Variants in FAM227B observed in about 807,000 individuals in gnomAD.
FAM227B encodes family with sequence similarity 227 member B.
A neutral mutation model predicts 73.8 loss-of-function variants in FAM227B; 88 were observed. The observed-to-expected ratio is 1.19, with a 90% CI of 1.00 to 1.42. The LOEUF is 1.42. Among genes scored for constraint, FAM227B ranks in the 40% most tolerant of loss-of-function variants. The pLI, the probability that FAM227B is intolerant of heterozygous loss-of-function variation, is 0.00. For missense variants in FAM227B, 632 were observed against 590.9 expected, an observed-to-expected ratio of 1.07 and a Z score of -0.72; for synonymous variants, 210 against 190.5, an observed-to-expected ratio of 1.10 and a Z score of -0.84.
intron 3 of FAM227B, among the ~76,000 whole-genome samples, chr15:49,604,132 T>A (rs1172065820): frequency 6.6e-6 from 1 of 152,224 alleles, no homozygotes; most frequent in African/African-American, 2.4e-5. Context: ...CAATACACTA[T>A]TACAGTATTC....
At chr15:49,398,099 A>G (rs1283492459) in intron 11 of FAM227B, among the ~76,000 whole-genome samples, 4 of 152,284 alleles carry the variant, frequency 2.6e-5, no homozygotes, top group African/African-American at 9.6e-5. Context: ...TATTCAGGAA[A>G]CCCATCTCAC....
In FAM227B at chr15:49,446,164, A is replaced by G. The variant is rs569315668; in HGVS notation, c.1012+62047T>C. Among the ~76,000 whole-genome samples the G allele has an allele frequency of 9.0e-4, 136 of 151,712 alleles. 5 individuals are homozygous for G. The South Asian group carries it at 0.027, about 30-fold the overall frequency. On this transcript the variant is annotated intron_variant, in intron 11 of 15. Transcript: ENST00000299338. Reference sequence around the variant, plus strand: ...AGGCTGACAACAATTTTCATTGAGGAAGGCTTCACTCACTGATAAATATGG... The same window carrying G: ...AGGCTGACAACAATTTTCATTGAGGGAGGCTTCACTCACTGATAAATATGG...
chr15:49,402,354 AT>A (rs2048226167), intron 11 of FAM227B, among the ~76,000 whole-genome samples: 1 of 152,204 alleles, frequency 6.6e-6, no homozygotes, highest in East Asian at 1.9e-4. Flanking sequence ...CATTGAATCT[AT>A]AAATTACTTT....
rs1170810627 is a variant in FAM227B, at chr15:49,615,199, G to T, written c.-28C>A. 2 of 1,610,622 alleles carry T rather than the reference G, an allele frequency of 1.2e-6. No homozygotes were observed. The highest frequency in any genetic ancestry group is 1.7e-6 in the Non-Finnish European group (2 of 1,176,768). ...TACAGTAACTTTGCAGAAATGAAGA[G>T]AAATCAGCTGGGTCTTAGGCTTCAA... On this transcript the variant is annotated 5_prime_UTR_variant, in exon 2 of 16. Transcript: ENST00000299338.
intron 11 of FAM227B, among the ~76,000 whole-genome samples, chr15:49,456,092 A>G (rs1196291056): frequency 6.6e-6 from 1 of 152,160 alleles, no homozygotes; most frequent in African/African-American, 2.4e-5. Context: ...ACATTCTAAA[A>G]TGTTAAAAGT....
At chr15:49,523,408 C>T (rs2059925588) in intron 10 of FAM227B, among the ~76,000 whole-genome samples, 1 of 152,290 alleles carries the variant, frequency 6.6e-6, no homozygotes, top group East Asian at 1.9e-4. Flanking sequence ...TGCCTGCTGC[C>T]ATCCATGTAA....
intron 11 of FAM227B, among the ~76,000 whole-genome samples, chr15:49,389,188 C>G (rs1334098140): frequency 6.6e-6 from 1 of 151,918 alleles, no homozygotes; most frequent in Non-Finnish European, 1.5e-5. Flanking sequence ...GACACTTGCC[C>G]ATGTATGTTT....
rs1489652240 is a variant in FAM227B, at chr15:49,536,048, G to T, written c.874+5632C>A. Among the ~76,000 whole-genome samples, 3 of 134,284 alleles carry T rather than the reference G, an allele frequency of 2.2e-5. No homozygotes were observed. In the Admixed American group the frequency reaches 2.4e-4, roughly 11 times the overall value. 88.1% of individuals were successfully genotyped at this position (134,284 alleles called of 152,430 possible). The stretch of plus-strand genomic sequence containing the variant: ...TGCATTTCTCTTTAACACAGTGCTG[G>T]AAGTACTAGCAAGGGCAATCAGACA... On this transcript the variant is annotated intron_variant, in intron 10 of 15. Transcript: ENST00000299338.
At chr15:49,433,040 T>G (rs956233396) in intron 11 of FAM227B, among the ~76,000 whole-genome samples, 1 of 151,500 alleles carries the variant, frequency 6.6e-6, no homozygotes, top group Non-Finnish European at 1.5e-5. Flanking sequence ...TTGTTGCTAT[T>G]TCAATTATTT....
chr15:49,499,165 CAAAAAA>C (rs11355557), intron 11 of FAM227B, among the ~76,000 whole-genome samples: 1 of 53,008 alleles, frequency 1.9e-5, no homozygotes, highest in Non-Finnish European at 3.3e-5. Context: ...GACTCCGTCT[CAAAAAA>C]AAAAAAAAAA....
chr15:49,354,980 A>G (rs980629276), intron 13 of FAM227B, among the ~76,000 whole-genome samples: 3 of 151,894 alleles, frequency 2.0e-5, no homozygotes, highest in Non-Finnish European at 2.9e-5. Flanking sequence ...GCAGGGGCAC[A>G]CTGACACCTC....
At chr15:49,536,072 C>CAAAAAAAAAAAA (rs59203003) in intron 10 of FAM227B, among the ~76,000 whole-genome samples, 18 of 114,000 alleles carry the variant, frequency 1.6e-4, no homozygotes, top group African/African-American at 4.3e-4. Flanking sequence ...GGCAATCAGA[C>CAAAAAAAAAAAA]AAAAAAAAAA....
At chr15:49,619,647 A>C (rs1298055800) in intron 1 of FAM227B, among the ~76,000 whole-genome samples, 1 of 152,236 alleles carries the variant, frequency 6.6e-6, no homozygotes, top group Non-Finnish European at 1.5e-5. Context: ...GTAATTTATT[A>C]CATACGATAG....
At chr15:49,504,142 C>T (rs1393710494) in intron 11 of FAM227B, among the ~76,000 whole-genome samples, 10 of 151,892 alleles carry the variant, frequency 6.6e-5, no homozygotes, top group East Asian at 3.9e-4. Context: ...TGGATGAAGA[C>T]GGAAACCATC....
chr15:49,556,240 T>TC (rs2073662405), intron 9 of FAM227B, among the ~76,000 whole-genome samples: 1 of 152,014 alleles, frequency 6.6e-6, no homozygotes, highest in Non-Finnish European at 1.5e-5. Flanking sequence ...TCTTTGGATT[T>TC]TTTTTTCTTT....
In FAM227B at chr15:49,421,612, T is replaced by A. The variant is rs181398574; in HGVS notation, c.1013-50213A>T. On this transcript the variant is annotated intron_variant, in intron 11 of 15. Coordinates refer to ENST00000299338, the MANE Select transcript of FAM227B (RefSeq NM_152647.3). The stretch of plus-strand genomic sequence containing the variant: ...TAGCAAATGTGGACTTCTCACTTAC[T>A]GATTTCTTGGTTTAAAAACTGTAGG... Among the ~76,000 whole-genome samples the A allele has an allele frequency of 9.8e-5, 15 of 152,364 alleles. No individual in the cohort carries two copies. In the East Asian group the frequency reaches 2.7e-3, roughly 27 times the overall value.
At chr15:49,332,238 G>A (rs2038928912) in intron 14 of FAM227B, among the ~76,000 whole-genome samples, 1 of 152,176 alleles carries the variant, frequency 6.6e-6, no homozygotes, top group African/African-American at 2.4e-5. Flanking sequence ...TCTTCAGTTA[G>A]ATGGTTTACA....
At chr15:49,494,342 C>T (rs897603948) in intron 11 of FAM227B, among the ~76,000 whole-genome samples, 7 of 151,242 alleles carry the variant, frequency 4.6e-5, no homozygotes, top group South Asian at 4.2e-4. Flanking sequence ...AACAAAGAAA[C>T]GTATATTGTC....
chr15:49,433,143 A>G (rs2050763497), intron 11 of FAM227B, among the ~76,000 whole-genome samples: 2 of 151,412 alleles, frequency 1.3e-5, no homozygotes, highest in Admixed American at 1.3e-4. Context: ...ATTAATCTCC[A>G]CATTCTTCAA....
Sources: allele counts gnomAD v4.1 joint callset (sites outside exome capture counted in the v4.1 genomes callset), GRCh38; gene constraint gnomAD v4.1.1; transcripts MANE v1.5; gene names NCBI Gene and HGNC (gene_info 2026-07-23, HGNC 2026-07-21).